The following GRID1 variants were observed in gnomAD, a reference collection of about 807,000 sequenced individuals.
The protein encoded by GRID1 is glutamate receptor ionotropic, delta-1.
In GRID1, 28 loss-of-function variants were observed where a neutral mutation model predicts 98.0. The ratio of observed to expected loss-of-function variants is 0.29; its 90% CI spans 0.21 to 0.39. The LOEUF (loss-of-function observed/expected upper bound fraction) is 0.39. Among genes scored for constraint, GRID1 ranks in the 10% least tolerant of loss-of-function variants. The probability of loss-of-function intolerance (pLI) is 1.00; values close to 1 mark genes in which losing one functional copy is unlikely to be tolerated. For synonymous variants in GRID1, 553 were observed against 538.5 expected, an observed-to-expected ratio of 1.03 and a Z score of -0.37; for missense variants, 1,111 against 1,340.5, an observed-to-expected ratio of 0.83 and a Z score of 2.67.
At chr10:85,937,147 T>C (rs1325054971) in intron 4 of GRID1, among the ~76,000 whole-genome samples, 1 of 152,216 alleles carries the variant, frequency 6.6e-6, no homozygotes, top group East Asian at 1.9e-4. Flanking sequence ...AAAATCCCAG[T>C]GTCCAGGCCT....
intron 3 of GRID1, among the ~76,000 whole-genome samples, chr10:86,174,712 G>A (rs1429688355): frequency 1.3e-5 from 2 of 149,680 alleles, no homozygotes; most frequent in South Asian, 4.3e-4. Flanking sequence ...GCAACCTACA[G>A]AATGGGAGAA....
At chr10:86,140,567 C>G (rs767566488) in intron 3 of GRID1, among the ~76,000 whole-genome samples, 4 of 152,124 alleles carry the variant, frequency 2.6e-5, no homozygotes, top group African/African-American at 7.2e-5. Flanking sequence ...AACCAAGCAG[C>G]GCGAGGGAGA....
intron 13 of GRID1, among the ~76,000 whole-genome samples, chr10:85,641,640 C>A (rs7068714): frequency 0.24 from 36,848 of 152,114 alleles, 5,456 homozygotes; most frequent in African/African-American, 0.42. Flanking sequence ...AGGCTCAGGT[C>A]CAGTTTCTAC....
intron 13 of GRID1, among the ~76,000 whole-genome samples, chr10:85,631,590 C>T (rs571779472): frequency 6.6e-6 from 1 of 152,186 alleles, no homozygotes; most frequent in South Asian, 2.1e-4. Context: ...AAAATCAATG[C>T]CTCTTTTCTC....
chr10:86,072,636 C>T (rs1484225905), intron 4 of GRID1, among the ~76,000 whole-genome samples: 2 of 152,160 alleles, frequency 1.3e-5, no homozygotes, highest in Non-Finnish European at 2.9e-5. Context: ...CCTCAAAAGC[C>T]CAAGGGAGCT....
intron 6 of GRID1, among the ~76,000 whole-genome samples, chr10:85,868,081 C>T (rs905755095): frequency 6.6e-6 from 1 of 152,224 alleles, no homozygotes. Context: ...CTCTGTTCTG[C>T]AACCCCAATT....
At chr10:85,620,875 C>G (rs536223738) in intron 13 of GRID1, among the ~76,000 whole-genome samples, 2 of 152,296 alleles carry the variant, frequency 1.3e-5, no homozygotes, top group East Asian at 3.9e-4. Context: ...TATGTTTGTA[C>G]ACACACATAA....
intron 2 of GRID1, among the ~76,000 whole-genome samples, chr10:86,346,945 T>C (rs1848392502): frequency 6.6e-6 from 1 of 152,088 alleles, no homozygotes; most frequent in South Asian, 2.1e-4. Context: ...GGCAGCTACA[T>C]AGTGAGGGCT....
intron 2 of GRID1, among the ~76,000 whole-genome samples, chr10:86,317,091 C>A (rs897463304): frequency 6.6e-5 from 10 of 152,228 alleles, no homozygotes; most frequent in Non-Finnish European, 1.2e-4. Context: ...CAGAAGAGAG[C>A]TGCCTAGCTC....
intron 2 of GRID1, among the ~76,000 whole-genome samples, chr10:86,356,994 G>A (rs769355641): frequency 6.6e-6 from 1 of 152,202 alleles, no homozygotes; most frequent in Non-Finnish European, 1.5e-5. Context: ...GCCATTACAA[G>A]AGGTGACTGT....
At chr10:85,692,441 T>C (rs974939321) in intron 12 of GRID1, among the ~76,000 whole-genome samples, 2 of 151,902 alleles carry the variant, frequency 1.3e-5, no homozygotes, top group Non-Finnish European at 2.9e-5. Context: ...GTGGGTGGAT[T>C]GCGTGACCCC....
intron 2 of GRID1, among the ~76,000 whole-genome samples, chr10:86,299,941 C>T (rs1204708444): frequency 6.6e-6 from 1 of 152,140 alleles, no homozygotes; most frequent in Non-Finnish European, 1.5e-5. Context: ...ATGTACTTGG[C>T]TAAATAGTGT....
intron 8 of GRID1, among the ~76,000 whole-genome samples, chr10:85,731,950 GAAAGGAA>G (rs766650823): frequency 1.6e-4 from 24 of 148,744 alleles, no homozygotes; most frequent in South Asian, 6.3e-4. Flanking sequence ...GAAGGGAAGG[GAAAGGAA>G]AAAGGAAAAA....
chr10:85,773,500 A>C (rs1402538643), intron 8 of GRID1, among the ~76,000 whole-genome samples: 2 of 152,252 alleles, frequency 1.3e-5, no homozygotes, highest in Non-Finnish European at 2.9e-5. Context: ...AAGGAAATAA[A>C]GGTTATTCAA....
chr10:86,155,915 G>A (rs971816706), intron 3 of GRID1, among the ~76,000 whole-genome samples: 21 of 152,176 alleles, frequency 1.4e-4, no homozygotes, highest in Admixed American at 7.2e-4. Context: ...CAACAGGATG[G>A]GTGCAAGGCA....
At chr10:85,999,952 T>A (rs1842784974) in intron 4 of GRID1, among the ~76,000 whole-genome samples, 1 of 152,176 alleles carries the variant, frequency 6.6e-6, no homozygotes, top group Admixed American at 6.5e-5. Context: ...TTATTCCCCA[T>A]CTTACTGGGA....
At chr10:85,909,081 T>A (rs1428797468) in intron 5 of GRID1, among the ~76,000 whole-genome samples, 1 of 152,178 alleles carries the variant, frequency 6.6e-6, no homozygotes, top group Non-Finnish European at 1.5e-5. Context: ...TTTTCAGAAC[T>A]CAATAATAAG....
intron 13 of GRID1, among the ~76,000 whole-genome samples, chr10:85,628,277 T>C (rs1038757504): frequency 2.6e-5 from 4 of 151,934 alleles, no homozygotes; most frequent in Non-Finnish European, 5.9e-5. Flanking sequence ...TGTGAATGTA[T>C]GTGAGGATGT....
Position 85,599,989 on chromosome 10 carries a change from C to G in GRID1, c.*2284G>C, listed in dbSNP as rs1842552245. ...CACATCCTCCATCTCCCTCTCTTTC[C>G]TCCTTGACACTCATTCTAAGCAGAA... On this transcript the variant is annotated 3_prime_UTR_variant, in exon 16 of 16. Coordinates refer to ENST00000327946, the MANE Select transcript of GRID1 (RefSeq NM_017551.3). The G allele has an allele frequency of 6.7e-6, 1 of 150,210 alleles. No individual in the cohort carries two copies. The highest frequency in any genetic ancestry group is 2.1e-4 in the South Asian group (1 of 4,676). The allele number at this position is 150,210 out of a possible 1,614,324, so 9.3% of individuals were successfully genotyped here.
Sources: allele counts gnomAD v4.1 joint callset (sites outside exome capture counted in the v4.1 genomes callset), GRCh38; gene constraint gnomAD v4.1.1; transcripts MANE v1.5; gene names NCBI Gene and HGNC (gene_info 2026-07-23, HGNC 2026-07-21).